STX5: variants seen among roughly 807,000 people sequenced by gnomAD.
STX5 encodes the protein syntaxin 5, also known as syntaxin-5.
A neutral mutation model predicts 42.9 loss-of-function variants in STX5; 15 were observed. The observed-to-expected ratio is 0.35, with a 90% CI of 0.23 to 0.54. STX5 has a LOEUF of 0.54. Ranked by LOEUF, STX5 falls within the 20% of genes least tolerant of loss-of-function variation. The pLI is 0.91. For synonymous variants in STX5, 184 were observed against 173.2 expected, an observed-to-expected ratio of 1.06 and a Z score of -0.49; for missense variants, 430 against 455.0, an observed-to-expected ratio of 0.95 and a Z score of 0.50.
rs781536507 is a variant in STX5, at chr11:62,832,007, G to C, written c.-73C>G. On this transcript the variant is annotated 5_prime_UTR_variant, in exon 1 of 11. Coordinates refer to ENST00000294179, the MANE Select transcript of STX5 (RefSeq NM_003164.5). ...ACTTCCAATCTCACCGGCCGTCACTGCCTCCTCCCCGAGCACTGAAGCCGC... is the reference window on the plus strand; with the variant it reads ...ACTTCCAATCTCACCGGCCGTCACTCCCTCCTCCCCGAGCACTGAAGCCGC... 4.2e-6 allele frequency: 2 copies of C among 471,198 alleles called. No individual in the cohort carries two copies. The highest frequency in any genetic ancestry group is 8.4e-6 in the Non-Finnish European group (2 of 237,522). 29.2% of individuals were successfully genotyped at this position (471,198 alleles called of 1,614,324 possible).
intron 8 of STX5, among the ~76,000 whole-genome samples, chr11:62,824,772 T>C (rs533729826): frequency 6.6e-6 from 1 of 152,210 alleles, no homozygotes; most frequent in Admixed American, 6.5e-5. Context: ...GAAAATTAAA[T>C]GAGAGAATGT....
chr11:62,829,662 C>A (rs2084834091), intron 2 of STX5, among the ~76,000 whole-genome samples: 1 of 151,366 alleles, frequency 6.6e-6, no homozygotes, highest in South Asian at 2.1e-4. Context: ...TACTGAGGAG[C>A]CTGAGGCAGG....
chr11:62,829,237 C>T (rs192639243), intron 2 of STX5, among the ~76,000 whole-genome samples: 7 of 151,222 alleles, frequency 4.6e-5, no homozygotes, highest in African/African-American at 9.7e-5. Flanking sequence ...CCAGCCTGAC[C>T]AATATGGAGA....
chr11:62,816,044 T>C (rs575266471), intron 10 of STX5: 1 of 152,146 alleles, frequency 6.6e-6, no homozygotes, highest in African/African-American at 2.4e-5. Context: ...CAAATTTTAA[T>C]ATATGTCCTG....
At chr11:62,817,537 C>T (rs572084348) in intron 10 of STX5, among the ~76,000 whole-genome samples, 3 of 152,206 alleles carry the variant, frequency 2.0e-5, no homozygotes, top group African/African-American at 4.8e-5. Flanking sequence ...ATAACATGTA[C>T]GATAAAATCC....
intron 10 of STX5, among the ~76,000 whole-genome samples, chr11:62,812,850 C>T (rs550446549): frequency 3.0e-4 from 46 of 151,864 alleles, no homozygotes; most frequent in Admixed American, 1.2e-3. Context: ...CGGTGGCTCA[C>T]GCCTGTAATC....
rs559834812 is a variant in STX5, at chr11:62,816,809, C to T, written c.908+7357G>A. On this transcript the variant is annotated intron_variant, in intron 10 of 10. Transcript: ENST00000294179. ...ACTCGGGAGGCTGAGGAAAGAGAAT[C>T]GCTTGAACCTGGGAGGCGAAGGTTG... Among the ~76,000 whole-genome samples, 445 of 149,656 alleles carry T rather than the reference C, an allele frequency of 3.0e-3. 1 individual carries two copies. Among genetic ancestry groups the T allele is most frequent in the Non-Finnish European group, 4.1e-3 (277 of 67,620 alleles).
At position 62,831,249 on chromosome 11, in the gene STX5, C is replaced by G; in HGVS notation, c.-6G>C. The G allele has an allele frequency of 6.4e-7, 1 of 1,555,914 alleles. No individual in the cohort carries two copies. Among genetic ancestry groups the G allele is most frequent in the African/African-American group, 1.4e-5 (1 of 73,836 alleles). ...TAGCGTTTCCGCGGGATCATTGAGA[C>G]GCATAACCTCGGACTGTTGTGGAGG... is the stretch of plus-strand genomic sequence containing the variant. On this transcript the variant is annotated 5_prime_UTR_variant, in exon 2 of 11. Coordinates refer to ENST00000294179, the MANE Select transcript of STX5 (RefSeq NM_003164.5).
In STX5 at chr11:62,825,533, T is replaced by C. The variant is rs890783431; in HGVS notation, c.430A>G (p.Asn144Asp). ...TGAGCAATTTGTTTGTTGAGGCTAT[T>C]GATGTCCTGGTAAAAGAGTCCAAGG... ...ELTYIIKQDI[N>D]SLNKQIAQLQ... Residue 144 changes from asparagine to aspartate, a missense_variant, in exon 6 of 11, where the codon AAT becomes GAT. Transcript: ENST00000294179. 9 of 1,613,494 alleles carry C rather than the reference T, an allele frequency of 5.6e-6. No individual in the cohort carries two copies. The highest frequency in any genetic ancestry group is 7.6e-6 in the Non-Finnish European group (9 of 1,180,020).
In STX5 at chr11:62,807,176, G is replaced by C. The variant is rs1408867462; in HGVS notation, c.*293C>G. On this transcript the variant is annotated 3_prime_UTR_variant, in exon 11 of 11. Transcript: ENST00000294179. ...GGAGAGGGTTTATAAAAATCTCCTA[G>C]TGGAAACAACCTCCCCCACTGGCCC... 3.9e-6 allele frequency: 1 copy of C among 258,770 alleles called. No individual in the cohort carries two copies. Among genetic ancestry groups the C allele is most frequent in the Non-Finnish European group, 7.5e-6 (1 of 133,792 alleles). The allele number at this position is 258,770 out of a possible 1,614,324, so 16.0% of individuals were successfully genotyped here.
In STX5 at chr11:62,824,274, T is replaced by C; in HGVS notation, c.800A>G (p.Gln267Arg). Residue 267 changes from glutamine (Q) to arginine (R), a missense_variant, in exon 10 of 11, where the codon CAG (glutamine) becomes CGG (arginine). Coordinates refer to ENST00000294179, the MANE Select transcript of STX5 (RefSeq NM_003164.5). ...GTTCTGCATGGTGTCTGCCCGACTC[T>C]GGATGTAGGAATCCTTCAGGAGAGG... Reference protein sequence around the residue: ...QLIDEQDSYIQSRADTMQNIE... With the variant: ...QLIDEQDSYIRSRADTMQNIE... 1 of 1,614,214 alleles carries C rather than the reference T, an allele frequency of 6.2e-7. No homozygotes were observed. The highest frequency in any genetic ancestry group is 8.5e-7 in the Non-Finnish European group (1 of 1,180,034).
intron 2 of STX5, chr11:62,830,447 T>A (rs542830792): frequency 2.3e-6 from 1 of 442,964 alleles, no homozygotes; most frequent in Admixed American, 2.5e-5. Context: ...CTCAGGAGGC[T>A]GAGGAAAGAG....
chr11:62,825,454 G>A lies in STX5; in HGVS notation c.509C>T (p.Thr170Ile), dbSNP rs1397910884. 3.1e-6 allele frequency: 5 copies of A among 1,613,808 alleles called. No homozygotes were observed. In the African/African-American group the frequency reaches 6.7e-5, roughly 22 times the overall value. ...GGAGACCACAATGGTGTTGGAGTGGGTCTGCAGGTGCCGGCCACTCTGGCT... is the reference window on the plus strand; with the variant it reads ...GGAGACCACAATGGTGTTGGAGTGGATCTGCAGGTGCCGGCCACTCTGGCT... ...KGSQSGRHLQ[T>I]HSNTIVVSLQ... The change falls in exon 6 of 11, where the codon ACC (threonine) becomes ATC (isoleucine). Residue 170 changes from threonine to isoleucine, a missense_variant. By Grantham distance (89) the Thr-to-Ile change is moderately conservative. Transcript: ENST00000294179.
Position 62,831,035 on chromosome 11 carries a change from G to C in STX5, c.209C>G (p.Ser70Trp), listed in dbSNP as rs894766427. Residue 70 changes from serine to tryptophan, a missense_variant, in exon 2 of 11, where the codon TCG becomes TGG. Coordinates refer to ENST00000294179, the MANE Select transcript of STX5 (RefSeq NM_003164.5). Reference sequence around the variant, plus strand: ...GGTCCTTACCTGACGGGTCTGCAGCGACTTGCAGGCAGACAGAAACTCCTG... The same window carrying C: ...GGTCCTTACCTGACGGGTCTGCAGCCACTTGCAGGCAGACAGAAACTCCTG... The part of the protein sequence containing the change: ...RTQEFLSACK[S>W]LQTRQNGIQT... 4.5e-6 allele frequency: 7 copies of C among 1,552,364 alleles called. No homozygotes were observed. The highest frequency in any genetic ancestry group is 6.1e-6 in the Non-Finnish European group (7 of 1,148,326).
At chr11:62,813,459 C>A (rs577981600) in intron 10 of STX5, among the ~76,000 whole-genome samples, 1 of 152,252 alleles carries the variant, frequency 6.6e-6, no homozygotes, top group Non-Finnish European at 1.5e-5. Context: ...AAAAATGAAG[C>A]TCCCTGAAAA....
chr11:62,820,181 T>C (rs75102789), intron 10 of STX5, among the ~76,000 whole-genome samples: 4 of 151,368 alleles, frequency 2.6e-5, no homozygotes, highest in Admixed American at 1.3e-4. Context: ...CCATCCTGGC[T>C]AACATGGTGA....
intron 10 of STX5, among the ~76,000 whole-genome samples, chr11:62,823,269 T>C (rs1341513520): frequency 2.6e-5 from 4 of 151,514 alleles, no homozygotes; most frequent in African/African-American, 4.8e-5. Context: ...CAACCTCCCA[T>C]GCTTAAGTCA....
chr11:62,819,762 C>T (rs574465157), intron 10 of STX5, among the ~76,000 whole-genome samples: 44 of 152,062 alleles, frequency 2.9e-4, no homozygotes, highest in Non-Finnish European at 4.3e-4. Context: ...GGCACGATCT[C>T]GGCTCACTGC....
rs1294314947 is a variant in STX5, at chr11:62,824,884, T to C, written c.679+152A>G. 6 of 705,664 alleles carry C rather than the reference T, an allele frequency of 8.5e-6. No homozygotes were observed. In the African/African-American group the frequency reaches 8.9e-5, roughly 10 times the overall value. 43.7% of individuals were successfully genotyped at this position (705,664 alleles called of 1,614,324 possible). On this transcript the variant is annotated intron_variant, in intron 8 of 10. Transcript: ENST00000294179. ...TGGGAGTCTAAATGTGGATCACGAA[T>C]CTCAACCATCTGGTTTGGCCTCTGA...
Sources: allele counts gnomAD v4.1 joint callset (sites outside exome capture counted in the v4.1 genomes callset), GRCh38; gene constraint gnomAD v4.1.1; transcripts MANE v1.5; gene names NCBI Gene and HGNC (gene_info 2026-07-23, HGNC 2026-07-21).